The following HRH4 variants were observed in gnomAD, a reference collection of about 807,000 sequenced individuals.
HRH4 encodes the protein histamine receptor H4, also known as histamine H4 receptor.
A neutral mutation model predicts 10.4 loss-of-function variants in HRH4; 12 were observed. The ratio of observed to expected loss-of-function variants is 1.15; its 90% confidence interval spans 0.74 to 1.87. The LOEUF is 1.87. HRH4 is among the 40% of genes most tolerant of loss of function. The pLI, the probability that HRH4 is intolerant of heterozygous loss-of-function variation, is 0.00. For missense variants in HRH4, 415 were observed against 453.3 expected (o/e 0.92, Z 0.77); for synonymous variants, 154 against 166.6 (o/e 0.92, Z 0.58).
rs962214344 is a variant in HRH4 at position 24,479,332 on chromosome 18, G to A, written c.*1770G>A. 2 of 152,118 alleles carry A rather than the reference G, an allele frequency of 1.3e-5. No individual in the cohort carries two copies. The highest frequency in any genetic ancestry group is 2.9e-5 in the Non-Finnish European group (2 of 68,016). The allele number at this position is 152,118 out of a possible 1,614,324, so 9.4% of individuals were successfully genotyped here. On this transcript the variant is annotated 3_prime_UTR_variant, in exon 3 of 3. Transcript: ENST00000256906. ...GTTGTATTTACTTAATGTCTTTAAT[G>A]CATTTGCCCAATATTTTACATTGTA...
rs116314403 is a variant in HRH4, at chr18:24,477,094, G to A, written c.705G>A (p.Arg235=). 2 of 1,614,212 alleles carry A rather than the reference G, an allele frequency of 1.2e-6. No homozygotes were observed. The highest frequency in any genetic ancestry group is 4.5e-5 in the East Asian group (2 of 44,890). ...GHSFRGRLSS[R]RSLSASTEVP... ...CATTCAGAGGTAGACTATCTTCAAG[G>A]AGATCTCTTTCTGCATCGACAGAAG... Residue 235 remains arginine, a synonymous_variant, in exon 3 of 3, where the codon AGG becomes AGA. Coordinates refer to ENST00000256906, the MANE Select transcript of HRH4 (RefSeq NM_021624.4).
intron 2 of HRH4, among the ~76,000 whole-genome samples, chr18:24,473,309 G>A (rs1229087669): frequency 6.6e-6 from 1 of 152,108 alleles, no homozygotes; most frequent in African/African-American, 2.4e-5. Context: ...TTGTTTGCTG[G>A]AGCTACCAAA....
chr18:24,467,673 A>C (rs1256039331), intron 1 of HRH4, among the ~76,000 whole-genome samples: 1 of 152,054 alleles, frequency 6.6e-6, no homozygotes, highest in African/African-American at 2.4e-5. Flanking sequence ...CCTCCTGAAT[A>C]ACTGGGATTA....
Position 24,479,570 on chromosome 18 carries a change from T to A in HRH4, c.*2008T>A, listed in dbSNP as rs2144390155. ...CTCCAGCAATCTTCTTACGTCAGCCTCCAGAGTAGCTGGGACCGCAGGCAC... is the reference window on the plus strand; with the variant it reads ...CTCCAGCAATCTTCTTACGTCAGCCACCAGAGTAGCTGGGACCGCAGGCAC... On this transcript the variant is annotated 3_prime_UTR_variant, in exon 3 of 3. Transcript: ENST00000256906. 1 of 152,318 alleles carries A rather than the reference T, an allele frequency of 6.6e-6. No individual in the cohort carries two copies. Among genetic ancestry groups the A allele is most frequent in the Non-Finnish European group, 1.5e-5 (1 of 68,034 alleles). The allele number at this position is 152,318 out of a possible 1,614,324, so 9.4% of individuals were successfully genotyped here. A position where few individuals can be genotyped will look rare whatever the true frequency, so the allele number is the denominator to read the frequency against.
Position 24,468,913 on chromosome 18 carries a change from C to T in HRH4, c.319C>T (p.Leu107Phe). 1 of 1,611,974 alleles carries T rather than the reference C, an allele frequency of 6.2e-7. No individual in the cohort carries two copies. Among genetic ancestry groups the T allele is most frequent in the Non-Finnish European group, 8.5e-7 (1 of 1,179,038 alleles). ...TACAGCATCTGTATATAACATTGTC[C>T]TCATCAGCTATGATCGATACCTGTC... ...LCTASVYNIV[L>F]ISYDRYLSVS... Residue 107 changes from leucine to phenylalanine, a missense_variant, in exon 2 of 3, where the codon CTC (leucine) becomes TTC (phenylalanine). By Grantham distance (22) the Leu-to-Phe change is conservative. Transcript: ENST00000256906.
intron 2 of HRH4, 31 bp from the exon 3 acceptor site, chr18:24,476,716 A>C: frequency 6.8e-7 from 1 of 1,479,286 alleles, no homozygotes; most frequent in Middle Eastern, 1.8e-4. Context: ...ATACACATTC[A>C]TTATATTGAA....
intron 1 of HRH4, among the ~76,000 whole-genome samples, chr18:24,468,101 G>A (rs1909826160): frequency 6.6e-6 from 1 of 152,166 alleles, no homozygotes; most frequent in African/African-American, 2.4e-5. Context: ...GTTTGTTCCA[G>A]GAATCCCCTT....
Position 24,468,857 on chromosome 18 carries a change from T to G in HRH4, c.263T>G (p.Val88Gly), listed in dbSNP as rs80252896. ...FEWDFGKEICVFWLTTDYLLC... is the reference protein window; with the variant it reads ...FEWDFGKEICGFWLTTDYLLC... The stretch of plus-strand genomic sequence containing the variant: ...TGGGATTTTGGAAAGGAAATCTGTG[T>G]ATTTTGGCTCACTACTGACTATCTG... Residue 88 changes from valine (V) to glycine (G), a missense_variant, in exon 2 of 3, where the codon GTA (valine) becomes GGA (glycine). Coordinates refer to ENST00000256906, the MANE Select transcript of HRH4 (RefSeq NM_021624.4). The G allele has an allele frequency of 9.3e-4, 1,503 of 1,614,038 alleles. 20 individuals carry two copies. In the East Asian group the frequency reaches 0.029, roughly 31 times the overall value.
chr18:24,461,128 C>T (rs961087436), intron 1 of HRH4, among the ~76,000 whole-genome samples: 2 of 152,092 alleles, frequency 1.3e-5, no homozygotes, highest in Non-Finnish European at 2.9e-5. Flanking sequence ...GGGGAATTTT[C>T]AGCTGAAAAC....
intron 2 of HRH4, among the ~76,000 whole-genome samples, chr18:24,470,202 A>G (rs750290130): frequency 2.2e-4 from 34 of 152,032 alleles, no homozygotes; most frequent in Non-Finnish European, 4.6e-4. Context: ...ATAAATGTTT[A>G]TTTTTCTCTT....
Position 24,470,582 on chromosome 18 carries a change from C to T in HRH4, c.357+1631C>T, listed in dbSNP as rs138467526. 3.0e-3 allele frequency among the ~76,000 whole-genome samples: 437 copies of T among 145,494 alleles called. 1 individual carries two copies. Among genetic ancestry groups the T allele is most frequent in the African/African-American group, 0.011 (411 of 39,124 alleles). ...GCAATGCCATGATCTTGGCTCACTGCAACCTCTGCCTCCCAGGTTCAAGTG... is the reference window on the plus strand; with the variant it reads ...GCAATGCCATGATCTTGGCTCACTGTAACCTCTGCCTCCCAGGTTCAAGTG... On this transcript the variant is annotated intron_variant, in intron 2 of 2. Coordinates refer to ENST00000256906, the MANE Select transcript of HRH4 (RefSeq NM_021624.4).
intron 1 of HRH4, 41 bp from the exon 2 acceptor site, chr18:24,468,747 G>GA (rs1354127885): frequency 6.5e-7 from 1 of 1,550,264 alleles, no homozygotes; most frequent in African/African-American, 1.4e-5. Flanking sequence ...TGTGTTCATT[G>GA]ATGTGCGCTA....
rs1466751880 is a variant in HRH4 at position 24,479,386 on chromosome 18, G to A, written c.*1824G>A. ...CTCAGAGGTATTCCTTTATTATGTG[G>A]TTAGCATAGGTTATACTTTGCTGAC... On this transcript the variant is annotated 3_prime_UTR_variant, in exon 3 of 3. Coordinates refer to ENST00000256906, the MANE Select transcript of HRH4 (RefSeq NM_021624.4). 2.0e-5 allele frequency: 3 copies of A among 152,092 alleles called. No homozygotes were observed. Among genetic ancestry groups the A allele is most frequent in the African/African-American group, 4.8e-5 (2 of 41,418 alleles). The allele number at this position is 152,092 out of a possible 1,614,324, so 9.4% of individuals were successfully genotyped here.
Position 24,467,357 on chromosome 18 carries a change from T to C in HRH4, c.194-1431T>C, listed in dbSNP as rs572227251. 6.6e-5 allele frequency among the ~76,000 whole-genome samples: 10 copies of C among 152,250 alleles called. No individual in the cohort carries two copies. In the South Asian group the frequency reaches 1.9e-3, roughly 28 times the overall value. On this transcript the variant is annotated intron_variant, in intron 1 of 2. Transcript: ENST00000256906. ...CCTCAGGAGAGACAGACTAAAAAGA[T>C]GACTATGATATAAAAGTAGAATGTA... is the stretch of plus-strand genomic sequence containing the variant.
At chr18:24,464,390 A>T (rs58490849) in intron 1 of HRH4, among the ~76,000 whole-genome samples, 7,090 of 151,832 alleles carry the variant, frequency 0.047, 269 homozygotes, top group African/African-American at 0.11. Context: ...TCAGGGCCCC[A>T]CTCTTATGAA....
At position 24,477,876 on chromosome 18, in the gene HRH4, T is replaced by A; in HGVS notation, c.*314T>A. On this transcript the variant is annotated 3_prime_UTR_variant, in exon 3 of 3. Coordinates refer to ENST00000256906, the MANE Select transcript of HRH4 (RefSeq NM_021624.4). The stretch of plus-strand genomic sequence containing the variant: ...TAATACAGTCTTAAGTGAATTTCTC[T>A]TTTTTAATTTTATCGTAATAGAAAC... The A allele has an allele frequency of 4.9e-6, 1 of 205,112 alleles. No homozygotes were observed. Among genetic ancestry groups the A allele is most frequent in the Non-Finnish European group, 9.7e-6 (1 of 102,688 alleles). 12.7% of individuals were successfully genotyped at this position (205,112 alleles called of 1,614,324 possible). A position where few individuals can be genotyped will look rare whatever the true frequency, so the allele number is the denominator to read the frequency against.
chr18:24,468,372 T>G (rs1003932239), intron 1 of HRH4, among the ~76,000 whole-genome samples: 17 of 152,232 alleles, frequency 1.1e-4, no homozygotes, highest in Non-Finnish European at 2.4e-4. Context: ...ATCAGTAGAT[T>G]ATGTATAATA....
At chr18:24,461,378 G>A (rs1017838706) in intron 1 of HRH4, among the ~76,000 whole-genome samples, 6 of 152,100 alleles carry the variant, frequency 3.9e-5, no homozygotes, top group African/African-American at 1.4e-4. Context: ...ATGATTAATA[G>A]TATTAATTTA....
Position 24,468,841 on chromosome 18 carries a change from G to A in HRH4, c.247G>A (p.Gly83Arg), listed in dbSNP as rs781258002. Residue 83 changes from glycine (G) to arginine (R), a missense_variant, in exon 2 of 3, where the codon GGA (glycine) becomes AGA (arginine). Transcript: ENST00000256906. ...TCACACGCTGTTCGAATGGGATTTT[G>A]GAAAGGAAATCTGTGTATTTTGGCT... ...IPHTLFEWDF[G>R]KEICVFWLTT... is the part of the protein sequence containing the mutation. The A allele has an allele frequency of 6.2e-7, 1 of 1,614,016 alleles. No individual in the cohort carries two copies. The highest frequency in any genetic ancestry group is 1.1e-5 in the South Asian group (1 of 91,056).
Sources: allele counts gnomAD v4.1 joint callset (sites outside exome capture counted in the v4.1 genomes callset), GRCh38; gene constraint gnomAD v4.1.1; transcripts MANE v1.5; gene names NCBI Gene and HGNC (gene_info 2026-07-23, HGNC 2026-07-21).